MCPH1: variants seen among roughly 807,000 people sequenced by gnomAD.
The protein encoded by MCPH1 is microcephalin 1.
In MCPH1, 104 loss-of-function variants were observed where a neutral mutation model predicts 84.5. The ratio of observed to expected loss-of-function variants is 1.23; its 90% CI spans 1.05 to 1.45. MCPH1 has a LOEUF of 1.45. Among genes scored for constraint, MCPH1 ranks in the 40% most tolerant of loss-of-function variants. The pLI is 0.00. For missense variants in MCPH1, 1,498 were observed against 1,005.7 expected, an observed-to-expected ratio of 1.49 and a Z score of -6.62; for synonymous variants, 514 against 366.8, an observed-to-expected ratio of 1.40 and a Z score of -4.58.
At chr8:6,538,020 A>G (rs1820816121) in intron 12 of MCPH1, among the ~76,000 whole-genome samples, 1 of 152,174 alleles carries the variant, frequency 6.6e-6, no homozygotes. Context: ...ATTAACAAAT[A>G]ATTTGAGATT....
chr8:6,483,331 AT>A (rs910700905), intron 11 of MCPH1, among the ~76,000 whole-genome samples: 4 of 152,340 alleles, frequency 2.6e-5, no homozygotes, highest in African/African-American at 9.6e-5. Flanking sequence ...TGGTTCTAAA[AT>A]TTCTATGGAG....
rs924046796 is a variant in MCPH1 at position 6,647,105 on chromosome 8, T to C, written c.*4056T>C. 6.6e-6 allele frequency: 1 copy of C among 151,944 alleles called. No homozygotes were observed. Among genetic ancestry groups the C allele is most frequent in the Non-Finnish European group, 1.5e-5 (1 of 68,004 alleles). 9.4% of individuals were successfully genotyped at this position (151,944 alleles called of 1,614,324 possible). On this transcript the variant is annotated 3_prime_UTR_variant, in exon 14 of 14. Coordinates refer to ENST00000344683, the MANE Select transcript of MCPH1 (RefSeq NM_024596.5). ...ATGTAAAGAACTCATAACTCATTAA[T>C]AAAAGGATAAAGAAAAAGCTGAAGA... is the stretch of plus-strand genomic sequence containing the variant.
chr8:6,533,243 C>T (rs912998548), intron 12 of MCPH1, among the ~76,000 whole-genome samples: 2 of 152,200 alleles, frequency 1.3e-5, no homozygotes, highest in Non-Finnish European at 2.9e-5. Flanking sequence ...CTAATTTTAG[C>T]ATTAACTGAA....
At chr8:6,508,473 TGTAA>T in intron 12 of MCPH1, 1 of 185,664 alleles carries the variant, frequency 5.4e-6, no homozygotes, top group Non-Finnish European at 1.1e-5. Context: ...AGACTGTGTC[TGTAA>T]ATAAATAAAT....
At chr8:6,510,547 T>G (rs1442668984) in intron 12 of MCPH1, among the ~76,000 whole-genome samples, 1 of 152,248 alleles carries the variant, frequency 6.6e-6, no homozygotes, top group Non-Finnish European at 1.5e-5. Flanking sequence ...TACACCTGCA[T>G]GCACACTGGA....
At chr8:6,559,484 C>T (rs896716372) in intron 12 of MCPH1, among the ~76,000 whole-genome samples, 1 of 152,180 alleles carries the variant, frequency 6.6e-6, no homozygotes, top group Non-Finnish European at 1.5e-5. Flanking sequence ...ACTTTCCAGC[C>T]TGTTCTTGTG....
intron 2 of MCPH1, among the ~76,000 whole-genome samples, chr8:6,412,535 C>G (rs570108474): frequency 6.6e-6 from 1 of 152,198 alleles, no homozygotes; most frequent in Non-Finnish European, 1.5e-5. Context: ...TAAAACCAGA[C>G]TACAGGCCTG....
At chr8:6,516,475 CAG>C (rs929294733) in intron 12 of MCPH1, among the ~76,000 whole-genome samples, 2 of 152,086 alleles carry the variant, frequency 1.3e-5, no homozygotes, top group African/African-American at 4.8e-5. Flanking sequence ...CTGCCAAAAA[CAG>C]AGAAACCTGA....
chr8:6,430,051 C>T (rs898362493), intron 3 of MCPH1, among the ~76,000 whole-genome samples: 2 of 152,218 alleles, frequency 1.3e-5, no homozygotes, highest in African/African-American at 4.8e-5. Flanking sequence ...GTGCTTGAGT[C>T]TATGCTCTGC....
intron 12 of MCPH1, among the ~76,000 whole-genome samples, chr8:6,520,196 G>T (rs1172500646): frequency 1.3e-5 from 2 of 151,972 alleles, no homozygotes; most frequent in East Asian, 1.9e-4. Flanking sequence ...CTTACTTTTT[G>T]GTCATTAATT....
chr8:6,441,126 G>C (rs1312462042), intron 6 of MCPH1, among the ~76,000 whole-genome samples: 1 of 152,188 alleles, frequency 6.6e-6, no homozygotes, highest in Non-Finnish European at 1.5e-5. Flanking sequence ...CTGAAATGTA[G>C]TCTTGACTGG....
At position 6,647,714 on chromosome 8, in the gene MCPH1, C is replaced by T. The variant is rs1051550360; in HGVS notation, c.*4665C>T. 18 of 152,176 alleles carry T rather than the reference C, an allele frequency of 1.2e-4. No homozygotes were observed. Among genetic ancestry groups the T allele is most frequent in the African/African-American group, 3.6e-4 (15 of 41,428 alleles). The allele number at this position is 152,176 out of a possible 1,614,324, so 9.4% of individuals were successfully genotyped here. ...GATACCATTTCTACAAACCGCAAAA[C>T]TGTAGAGGCACGAAACAGATTCATG... On this transcript the variant is annotated 3_prime_UTR_variant, in exon 14 of 14. Transcript: ENST00000344683.
chr8:6,531,181 C>T (rs538703866), intron 12 of MCPH1, among the ~76,000 whole-genome samples: 3 of 151,696 alleles, frequency 2.0e-5, no homozygotes, highest in African/African-American at 7.3e-5. Flanking sequence ...CCACCCAGGC[C>T]GTTCGCTGGG....
At chr8:6,531,655 T>C (rs1819539629) in intron 12 of MCPH1, among the ~76,000 whole-genome samples, 1 of 152,174 alleles carries the variant, frequency 6.6e-6, no homozygotes, top group Non-Finnish European at 1.5e-5. Flanking sequence ...AATCTCACAG[T>C]GGAAAGAGAA....
At chr8:6,578,268 CCTGCAG>C (rs1305740425) in intron 12 of MCPH1, among the ~76,000 whole-genome samples, 1 of 152,208 alleles carries the variant, frequency 6.6e-6, no homozygotes, top group African/African-American at 2.4e-5. Context: ...TCAGCCAGAG[CCTGCAG>C]CTGTTCACTA....
chr8:6,610,795 C>G (rs1830187625), intron 12 of MCPH1, among the ~76,000 whole-genome samples: 1 of 151,998 alleles, frequency 6.6e-6, no homozygotes, highest in Non-Finnish European at 1.5e-5. Flanking sequence ...ACTTCATGCC[C>G]ATTTCCTTAA....
At chr8:6,474,574 C>T (rs975134745) in intron 9 of MCPH1, among the ~76,000 whole-genome samples, 1 of 152,124 alleles carries the variant, frequency 6.6e-6, no homozygotes, top group Non-Finnish European at 1.5e-5. Context: ...AAAAGTTTGT[C>T]AGGTTAATGA....
At chr8:6,407,334 C>T (rs982265780) in intron 1 of MCPH1, among the ~76,000 whole-genome samples, 26 of 152,024 alleles carry the variant, frequency 1.7e-4, no homozygotes, top group Admixed American at 1.2e-3. Context: ...TTTTTAACCG[C>T]TCTATCAACT....
chr8:6,424,368 C>T (rs1259919619), intron 3 of MCPH1, among the ~76,000 whole-genome samples: 1 of 152,212 alleles, frequency 6.6e-6, no homozygotes, highest in African/African-American at 2.4e-5. Flanking sequence ...CGAAGGCCAT[C>T]ACCCCCTGCA....
Sources: allele counts gnomAD v4.1 joint callset (sites outside exome capture counted in the v4.1 genomes callset), GRCh38; gene constraint gnomAD v4.1.1; transcripts MANE v1.5; gene names NCBI Gene and HGNC (gene_info 2026-07-23, HGNC 2026-07-21).